RNF217: variants seen among roughly 807,000 people sequenced by gnomAD.
RNF217 encodes the protein E3 ubiquitin-protein ligase RNF217.
In RNF217, 31 loss-of-function variants were observed where a neutral mutation model predicts 57.8. The observed-to-expected ratio is 0.54, with a 90% CI of 0.40 to 0.72. The LOEUF is 0.72. RNF217 is among the 30% of genes least tolerant of loss of function. The pLI is 0.00. For synonymous variants in RNF217, 313 were observed against 294.0 expected (o/e 1.06, Z -0.66); for missense variants, 696 against 708.3 (o/e 0.98, Z 0.20).
Position 125,084,673 on chromosome 6 carries a change from G to C in RNF217, c.*1736G>C, listed in dbSNP as rs1460700514. On this transcript the variant is annotated 3_prime_UTR_variant, in exon 6 of 6. Coordinates refer to ENST00000521654, the MANE Select transcript of RNF217 (RefSeq NM_001286398.3). ...GCTTTCATTCTTTCTGAATAACACA[G>C]AATAACTGTGCTACAGCTTCTGGAT... 6.6e-6 allele frequency: 1 copy of C among 151,978 alleles called. No homozygotes were observed. Among genetic ancestry groups the C allele is most frequent in the Non-Finnish European group, 1.5e-5 (1 of 67,892 alleles). The allele number at this position is 151,978 out of a possible 1,614,324, so 9.4% of individuals were successfully genotyped here. A position where few individuals can be genotyped will look rare whatever the true frequency, so the allele number is the denominator to read the frequency against.
chr6:125,053,174 G>C (rs780400060), intron 2 of RNF217, among the ~76,000 whole-genome samples: 7 of 152,078 alleles, frequency 4.6e-5, no homozygotes, highest in Non-Finnish European at 7.4e-5. Flanking sequence ...CTTCACTGAA[G>C]CCTCTTTCCA....
At chr6:125,059,381 C>T (rs1258883955) in intron 3 of RNF217, among the ~76,000 whole-genome samples, 3 of 152,078 alleles carry the variant, frequency 2.0e-5, no homozygotes, top group Non-Finnish European at 4.4e-5. Context: ...TAAAGAACAA[C>T]TAGAAAATGA....
At chr6:124,974,337 TAATTA>T (rs772554318) in intron 1 of RNF217, among the ~76,000 whole-genome samples, 1 of 152,086 alleles carries the variant, frequency 6.6e-6, no homozygotes. Flanking sequence ...TTCAATCATT[TAATTA>T]AATATTTCCA....
At chr6:125,026,110 A>G (rs1786071131) in intron 1 of RNF217, among the ~76,000 whole-genome samples, 1 of 152,172 alleles carries the variant, frequency 6.6e-6, no homozygotes, top group South Asian at 2.1e-4. Context: ...GTACTTTTCA[A>G]AGTATCACAT....
chr6:125,069,420 C>T (rs1788058214), intron 3 of RNF217, among the ~76,000 whole-genome samples: 1 of 152,088 alleles, frequency 6.6e-6, no homozygotes, highest in African/African-American at 2.4e-5. Flanking sequence ...CCTGACATGG[C>T]AGTTGAGGAT....
At chr6:124,980,882 T>G (rs944207239) in intron 1 of RNF217, among the ~76,000 whole-genome samples, 25 of 152,196 alleles carry the variant, frequency 1.6e-4, no homozygotes, top group African/African-American at 5.8e-4. Context: ...AAAATGTCAG[T>G]GTGATTTTAA....
At position 124,989,149 on chromosome 6, in the gene RNF217, AT is replaced by A. The variant is rs1287884004; in HGVS notation, c.882+25732del. Among the ~76,000 whole-genome samples, 10 of 151,588 alleles carry A rather than the reference AT, an allele frequency of 6.6e-5. No individual in the cohort carries two copies. The East Asian group carries it at 1.5e-3, about 23-fold the overall frequency. On this transcript the variant is annotated intron_variant, in intron 1 of 5. Transcript: ENST00000521654. ...ATTTTGTGAAGTTCTGTGTGATGGA[AT>A]TTTTTTTTAATTTACTATTTTTTAA...
chr6:125,012,158 T>A (rs560597014), intron 1 of RNF217, among the ~76,000 whole-genome samples: 2 of 152,174 alleles, frequency 1.3e-5, no homozygotes, highest in African/African-American at 2.4e-5. Flanking sequence ...AATAAAAAAC[T>A]ATGAAGGAAT....
chr6:125,072,984 A>G (rs1276418905), intron 3 of RNF217, among the ~76,000 whole-genome samples: 3 of 152,248 alleles, frequency 2.0e-5, no homozygotes, highest in African/African-American at 7.2e-5. Context: ...TAATCTGTGT[A>G]CAATGCTTGG....
At chr6:125,007,967 A>G (rs1025298389) in intron 1 of RNF217, among the ~76,000 whole-genome samples, 2 of 152,168 alleles carry the variant, frequency 1.3e-5, no homozygotes, top group African/African-American at 2.4e-5. Context: ...CTATAATAAA[A>G]TTTATGTGGC....
rs546292254 is a variant in RNF217, at chr6:124,969,221, ATGTT to A, written c.882+5798_882+5801del. Among the ~76,000 whole-genome samples the A allele has an allele frequency of 6.3e-4, 96 of 152,304 alleles. 2 individuals are homozygous for A. The highest frequency in any genetic ancestry group is 6.8e-3 in the Middle Eastern group (2 of 294). On this transcript the variant is annotated intron_variant, in intron 1 of 5. Transcript: ENST00000521654. The stretch of plus-strand genomic sequence containing the variant: ...TTCTTAATATAAATATTTCTCAGCT[ATGTT>A]TGATTGCTGGAAATATATTAGTAAA...
Position 124,962,559 on chromosome 6 carries a change from G to A in RNF217, c.15G>A (p.Gln5=). The A allele has an allele frequency of 8.0e-7, 1 of 1,249,160 alleles. No individual in the cohort carries two copies. The highest frequency in any genetic ancestry group is 1.0e-6 in the Non-Finnish European group (1 of 1,000,710). 77.4% of individuals were successfully genotyped at this position (1,249,160 alleles called of 1,614,324 possible). A position where few individuals can be genotyped will look rare whatever the true frequency, so the allele number is the denominator to read the frequency against. ...CGCGGGCGGCGATGGGCGAGGAGCA[G>A]AGCACGGTGAGCGGCGGCGGCGGGC... MGEE[Q]STVSGGGGPQ... is the part of the protein sequence containing the mutation. Residue 5 remains glutamine, a synonymous_variant, in exon 1 of 6, where the codon CAG becomes CAA. Transcript: ENST00000521654. The surrounding 1 kb of genome is among the most constrained non-coding windows in gnomAD (Gnocchi z 4.6).
chr6:125,054,023 T>C (rs1276137892), intron 2 of RNF217, among the ~76,000 whole-genome samples: 3 of 152,172 alleles, frequency 2.0e-5, no homozygotes, highest in African/African-American at 4.8e-5. Context: ...TCATTTAATG[T>C]TAACTGATAC....
intron 3 of RNF217, among the ~76,000 whole-genome samples, chr6:125,071,463 A>T (rs911568356): frequency 2.1e-5 from 3 of 145,510 alleles, no homozygotes; most frequent in Non-Finnish European, 4.5e-5. Context: ...GATATTTTCA[A>T]CTTGGAGCAT....
Position 124,962,788 on chromosome 6 carries a change from C to G in RNF217, c.244C>G (p.Arg82Gly). The G allele has an allele frequency of 6.3e-7, 1 of 1,596,890 alleles. No individual in the cohort carries two copies. The highest frequency in any genetic ancestry group is 8.5e-7 in the Non-Finnish European group (1 of 1,179,454). Residue 82 changes from arginine (R) to glycine (G), a missense_variant, in exon 1 of 6, where the codon CGA (arginine) becomes GGA (glycine). Arg to Gly is a moderately radical substitution (Grantham distance 125). Transcript: ENST00000521654. This position sits in a 1 kb window ranked among gnomAD's most constrained non-coding sequence, Gnocchi z 4.6. ...SLGPPGWSKS[R>G]APAQPAGLAL... ...GGGGCCCCCGGGCTGGAGTAAGAGC[C>G]GAGCACCGGCGCAGCCTGCGGGACT...
intron 4 of RNF217, 92 bp downstream of exon 4, chr6:125,076,950 C>T (rs1788399817): frequency 1.9e-6 from 2 of 1,076,092 alleles, no homozygotes; most frequent in East Asian, 4.7e-5. Flanking sequence ...ATTCAGAGCA[C>T]CTGCCATGTG....
chr6:124,981,673 A>G (rs931666779), intron 1 of RNF217, among the ~76,000 whole-genome samples: 1 of 152,104 alleles, frequency 6.6e-6, no homozygotes, highest in Non-Finnish European at 1.5e-5. Context: ...ACTTGTGAAG[A>G]TACGCTATCA....
intron 2 of RNF217, among the ~76,000 whole-genome samples, chr6:125,049,445 A>G (rs1333962335): frequency 3.3e-5 from 5 of 152,012 alleles, no homozygotes; most frequent in Non-Finnish European, 5.9e-5. Context: ...GGATTCATTT[A>G]AGAGTAAACA....
At chr6:124,971,720 C>G (rs918930653) in intron 1 of RNF217, 8 of 154,384 alleles carry the variant, frequency 5.2e-5, no homozygotes, top group African/African-American at 1.9e-4. Context: ...TCCCGAAGTG[C>G]TGAGATTACA....
Sources: allele counts gnomAD v4.1 joint callset (sites outside exome capture counted in the v4.1 genomes callset), GRCh38; gene constraint gnomAD v4.1.1; non-coding constraint Gnocchi (gnomAD v3.1); transcripts MANE v1.5; gene names NCBI Gene and HGNC (gene_info 2026-07-23, HGNC 2026-07-21).